The following NECAB2 variants were observed in gnomAD, a reference collection of about 807,000 sequenced individuals.
The protein encoded by NECAB2 is N-terminal EF-hand calcium-binding protein 2.
NECAB2 carries 68 observed loss-of-function variants against 51.9 expected under a neutral mutation model. The observed-to-expected ratio is 1.31, with a 90% CI of 1.08 to 1.60. NECAB2 has a LOEUF of 1.60. Among genes scored for constraint, NECAB2 ranks in the 40% most tolerant of loss-of-function variants. The pLI, the probability that NECAB2 is intolerant of heterozygous loss-of-function variation, is 0.00. For synonymous variants in NECAB2, 329 were observed against 203.5 expected, an observed-to-expected ratio of 1.62 and a Z score of -5.25; for missense variants, 854 against 490.3, an observed-to-expected ratio of 1.74 and a Z score of -7.00.
chr16:83,968,776 A>C lies in NECAB2; in HGVS notation c.128A>C (p.Glu43Ala). The change falls in exon 1 of 13, where the codon GAG (glutamate) becomes GCG (alanine). Residue 43 changes from glutamate to alanine, a missense_variant. Coordinates refer to ENST00000305202, the MANE Select transcript of NECAB2 (RefSeq NM_019065.3). ...WVGARMGEPR[E>A]SLAPAAPADP... The stretch of plus-strand genomic sequence containing the variant: ...GGCGCCAGGATGGGCGAGCCCCGGG[A>C]GTCGCTGGCCCCCGCCGCCCCCGCG... 9.1e-7 allele frequency: 1 copy of C among 1,104,970 alleles called. No homozygotes were observed. The highest frequency in any genetic ancestry group is 3.9e-4 in the Middle Eastern group (1 of 2,540). The allele number at this position is 1,104,970 out of a possible 1,614,324, so 68.4% of individuals were successfully genotyped here. A position where few individuals can be genotyped will look rare whatever the true frequency, so the allele number is the denominator to read the frequency against.
At chr16:83,984,133 C>T (rs35363701) in intron 5 of NECAB2, among the ~76,000 whole-genome samples, 2 of 151,476 alleles carry the variant, frequency 1.3e-5, no homozygotes, top group African/African-American at 4.8e-5. Context: ...GTAGCTGGGA[C>T]TACAGGCGCC....
chr16:84,000,057 T>TA (rs747563218), intron 10 of NECAB2, among the ~76,000 whole-genome samples: 3 of 141,870 alleles, frequency 2.1e-5, no homozygotes, highest in East Asian at 2.0e-4. Context: ...CAGCAAGTTT[T>TA]ATTTTTTTTT....
upstream of NECAB2, chr16:83,965,196 C>T: frequency 6.2e-7 from 1 of 1,613,260 alleles, no homozygotes; most frequent in Non-Finnish European, 8.5e-7. Flanking sequence ...ACCCCCGATC[C>T]CAGCAGCTGT....
chr16:83,966,962 T>C (rs1375590064), upstream of NECAB2, among the ~76,000 whole-genome samples: 1 of 152,132 alleles, frequency 6.6e-6, no homozygotes, highest in African/African-American at 2.4e-5. Flanking sequence ...AACCTCTGCT[T>C]CTGGGTTGAA....
rs149414491 is a variant in NECAB2, at chr16:83,996,214, C to G, written c.796-1002C>G. Among the ~76,000 whole-genome samples the G allele has an allele frequency of 3.2e-3, 493 of 152,306 alleles. 2 individuals carry two copies. Among genetic ancestry groups the G allele is most frequent in the African/African-American group, 0.011 (464 of 41,574 alleles). The stretch of plus-strand genomic sequence containing the variant: ...CTCTCCTCATCCTCCTATGGCTTTT[C>G]CAGCCCCAGGACCCCTCACGTATGC... On this transcript the variant is annotated intron_variant, in intron 8 of 12. Coordinates refer to ENST00000305202, the MANE Select transcript of NECAB2 (RefSeq NM_019065.3).
chr16:83,998,825 C>G (rs1197958659), intron 10 of NECAB2, among the ~76,000 whole-genome samples: 1 of 152,186 alleles, frequency 6.6e-6, no homozygotes, highest in African/African-American at 2.4e-5. Flanking sequence ...GCTGAGATGT[C>G]CAGGGCGGGG....
At chr16:83,971,824 G>T in intron 1 of NECAB2, 1 of 500,680 alleles carries the variant, frequency 2.0e-6, no homozygotes, top group Admixed American at 3.5e-5. Flanking sequence ...GTTTGGCGGT[G>T]GGTGAAGCCA....
chr16:83,974,998 GT>G (rs1392252304), intron 2 of NECAB2, among the ~76,000 whole-genome samples: 1 of 146,432 alleles, frequency 6.8e-6, no homozygotes, highest in Non-Finnish European at 1.5e-5. Flanking sequence ...GTGCGGGAAT[GT>G]GAACCGGTGT....
At position 83,990,500 on chromosome 16, in the gene NECAB2, G is replaced by C. The variant is rs1255471164; in HGVS notation, c.466G>C (p.Glu156Gln). Residue 156 changes from glutamate to glutamine, a missense_variant, in exon 6 of 13, where the codon GAG becomes CAG. Coordinates refer to ENST00000305202, the MANE Select transcript of NECAB2 (RefSeq NM_019065.3). The part of the protein sequence containing the change: ...KAMGYTKKVY[E>Q]GGSNVDQFVT... ...TCTTCTCTTCCTTCCACAGGTATAT[G>C]AGGGTGGGAGCAACGTGGACCAGTT... 1 of 1,613,930 alleles carries C rather than the reference G, an allele frequency of 6.2e-7. No individual in the cohort carries two copies. Among genetic ancestry groups the C allele is most frequent in the Non-Finnish European group, 8.5e-7 (1 of 1,180,012 alleles).
intron 5 of NECAB2, among the ~76,000 whole-genome samples, chr16:83,986,101 C>T (rs1376666011): frequency 6.6e-6 from 1 of 152,186 alleles, no homozygotes; most frequent in African/African-American, 2.4e-5. Flanking sequence ...AGTGCAACCT[C>T]TGCTTCCTGG....
At chr16:83,978,896 C>T (rs909014257) in intron 3 of NECAB2, among the ~76,000 whole-genome samples, 7 of 152,148 alleles carry the variant, frequency 4.6e-5, no homozygotes, top group African/African-American at 1.4e-4. Context: ...ACCCCAACCC[C>T]AATGCCTGTG....
intron 2 of NECAB2, among the ~76,000 whole-genome samples, chr16:83,978,108 G>A (rs1398230837): frequency 6.6e-6 from 1 of 152,196 alleles, no homozygotes; most frequent in Non-Finnish European, 1.5e-5. Flanking sequence ...GGAAAATGTT[G>A]AGTGCATGGT....
chr16:83,991,311 TTC>T (rs1168793899), intron 6 of NECAB2, among the ~76,000 whole-genome samples: 3 of 151,734 alleles, frequency 2.0e-5, no homozygotes, highest in Non-Finnish European at 4.4e-5. Context: ...CTCTCTTTCT[TTC>T]TCTCTTTCTC....
At chr16:83,988,889 A>C (rs1403294976) in intron 5 of NECAB2, among the ~76,000 whole-genome samples, 7 of 152,156 alleles carry the variant, frequency 4.6e-5, no homozygotes, top group Non-Finnish European at 2.9e-5. Flanking sequence ...CCCTGTGTCA[A>C]ATCTGGGGTT....
rs1405534906 is a variant in NECAB2 at position 83,984,062 on chromosome 16, C to T, written c.459+2935C>T. Among the ~76,000 whole-genome samples, 5 of 148,596 alleles carry T rather than the reference C, an allele frequency of 3.4e-5. No homozygotes were observed. The East Asian group carries it at 8.1e-4, about 24-fold the overall frequency. On this transcript the variant is annotated intron_variant, in intron 5 of 12. Coordinates refer to ENST00000305202, the MANE Select transcript of NECAB2 (RefSeq NM_019065.3). ...CCAGGCTGGAGTGCAGTGGCACAGT[C>T]CCAGCTCACTGCCAGCTCCGCCTCC...
At chr16:83,994,107 A>T (rs562823253) in intron 6 of NECAB2, among the ~76,000 whole-genome samples, 195 bp from the exon 7 acceptor site, 1 of 152,210 alleles carries the variant, frequency 6.6e-6, no homozygotes, top group Admixed American at 6.5e-5. Flanking sequence ...CTGCCCAGCT[A>T]GCTGCGTGGC....
intron 2 of NECAB2, among the ~76,000 whole-genome samples, chr16:83,972,419 C>G (rs1339240487): frequency 1.3e-5 from 2 of 152,222 alleles, no homozygotes; most frequent in African/African-American, 4.8e-5. Context: ...TGAGTCTTGT[C>G]TGTGATGCCA....
At chr16:83,975,688 G>C (rs1567664753) in intron 2 of NECAB2, among the ~76,000 whole-genome samples, 1 of 152,214 alleles carries the variant, frequency 6.6e-6, no homozygotes, top group Non-Finnish European at 1.5e-5. Context: ...ATAAACTCAG[G>C]GGGTGGCAGA....
At chr16:83,982,146 G>A (rs759657778) in intron 5 of NECAB2, among the ~76,000 whole-genome samples, 1 of 152,186 alleles carries the variant, frequency 6.6e-6, no homozygotes, top group Non-Finnish European at 1.5e-5. Context: ...GTATCAATAC[G>A]CTCCTACTGT....
Sources: allele counts gnomAD v4.1 joint callset (sites outside exome capture counted in the v4.1 genomes callset), GRCh38; gene constraint gnomAD v4.1.1; transcripts MANE v1.5; gene names NCBI Gene and HGNC (gene_info 2026-07-23, HGNC 2026-07-21).